Variants in MAP7 observed in about 807,000 individuals in gnomAD.
MAP7 encodes microtubule associated protein 7, also known as ensconsin.
A neutral mutation model predicts 94.8 loss-of-function variants in MAP7; 52 were observed. The observed-to-expected ratio is 0.55, with a 90% confidence interval of 0.44 to 0.69. The LOEUF (loss-of-function observed/expected upper bound fraction) is 0.69. MAP7 is among the 30% of genes least tolerant of loss of function. The probability of loss-of-function intolerance (pLI) is 0.00; values close to 1 mark genes in which losing one functional copy is unlikely to be tolerated. For missense variants in MAP7, 940 were observed against 964.6 expected (o/e 0.97, Z 0.34); for synonymous variants, 350 against 357.0 (o/e 0.98, Z 0.22).
intron 1 of MAP7, among the ~76,000 whole-genome samples, chr6:136,422,607 A>G (rs1236892497): frequency 3.3e-5 from 5 of 152,242 alleles, no homozygotes; most frequent in Admixed American, 1.3e-4. Flanking sequence ...TGAGACAAAT[A>G]TACAATCCAT....
intron 1 of MAP7, among the ~76,000 whole-genome samples, chr6:136,476,779 G>A (rs1404049875): frequency 1.3e-5 from 2 of 152,070 alleles, no homozygotes; most frequent in Non-Finnish European, 2.9e-5. Context: ...ACATGTGTGT[G>A]TATATATATA....
chr6:136,477,126 G>A (rs1485354052), intron 1 of MAP7, among the ~76,000 whole-genome samples: 2 of 152,192 alleles, frequency 1.3e-5, no homozygotes, highest in African/African-American at 4.8e-5. Flanking sequence ...TGATAGTGGA[G>A]AAACTTAGCA....
intron 1 of MAP7, among the ~76,000 whole-genome samples, chr6:136,541,608 T>G (rs1021571316): frequency 1.5e-4 from 23 of 152,208 alleles, no homozygotes; most frequent in African/African-American, 5.5e-4. Context: ...TTATACCCCG[T>G]GCTCCTCTGT....
At chr6:136,416,504 T>C (rs181658115) in intron 2 of MAP7, among the ~76,000 whole-genome samples, 1 of 152,268 alleles carries the variant, frequency 6.6e-6, no homozygotes, top group East Asian at 1.9e-4. Flanking sequence ...TAGAAAATAC[T>C]TTAAAATTAT....
At chr6:136,485,967 AT>A (rs1190915121) in intron 1 of MAP7, among the ~76,000 whole-genome samples, 1 of 151,996 alleles carries the variant, frequency 6.6e-6, no homozygotes, top group Non-Finnish European at 1.5e-5. Context: ...GTGGACAAAC[AT>A]TTTTTTCTCC....
At chr6:136,504,634 G>T (rs1012603916) in intron 1 of MAP7, among the ~76,000 whole-genome samples, 2 of 146,590 alleles carry the variant, frequency 1.4e-5, no homozygotes, top group Non-Finnish European at 3.0e-5. Context: ...CTGAGCCACC[G>T]CATCCAGCCC....
Position 136,387,260 on chromosome 6 carries a change from A to G in MAP7, c.526+1133T>C, listed in dbSNP as rs114261536. ...AGCAGTAATGATTGACGGGGAAAAAAGCTAAACTGGAAGTACTTTGATCCC... is the reference window on the plus strand; with the variant it reads ...AGCAGTAATGATTGACGGGGAAAAAGGCTAAACTGGAAGTACTTTGATCCC... On this transcript the variant is annotated intron_variant, in intron 5 of 17. Coordinates refer to ENST00000354570, the MANE Select transcript of MAP7 (RefSeq NM_003980.6). Among the ~76,000 whole-genome samples, 240 of 152,364 alleles carry G rather than the reference A, an allele frequency of 1.6e-3. 1 individual carries two copies. Among genetic ancestry groups the G allele is most frequent in the African/African-American group, 5.4e-3 (225 of 41,590 alleles).
At chr6:136,350,659 C>T (rs149566735) in intron 16 of MAP7, among the ~76,000 whole-genome samples, 174 of 152,238 alleles carry the variant, frequency 1.1e-3, no homozygotes, top group African/African-American at 4.0e-3. Context: ...TTGAGACTAG[C>T]CTGGGCAACA....
At chr6:136,352,322 G>C (rs1789475252) in intron 16 of MAP7, among the ~76,000 whole-genome samples, 1 of 151,860 alleles carries the variant, frequency 6.6e-6, no homozygotes, top group Non-Finnish European at 1.5e-5. Flanking sequence ...TGAGTAGATG[G>C]GACGATAGGT....
chr6:136,485,968 T>TG (rs1477417962), intron 1 of MAP7, among the ~76,000 whole-genome samples: 1 of 152,160 alleles, frequency 6.6e-6, no homozygotes, highest in Non-Finnish European at 1.5e-5. Context: ...TGGACAAACA[T>TG]TTTTTTCTCC....
At chr6:136,360,966 C>T (rs746977162) in intron 12 of MAP7, 39 bp downstream of exon 12, 1 of 1,551,276 alleles carries the variant, frequency 6.4e-7, no homozygotes, top group South Asian at 1.2e-5. Context: ...CGTCTCCCTG[C>T]GGGACTGGGG....
chr6:136,416,632 C>T (rs532786213), intron 2 of MAP7, among the ~76,000 whole-genome samples: 1 of 151,808 alleles, frequency 6.6e-6, no homozygotes, highest in Non-Finnish European at 1.5e-5. Context: ...ATGGCGAAAC[C>T]CTGTCTCTAC....
intron 1 of MAP7, among the ~76,000 whole-genome samples, chr6:136,535,559 T>G (rs952053702): frequency 3.9e-5 from 6 of 152,122 alleles, no homozygotes; most frequent in Admixed American, 6.5e-5. Context: ...ATTATATAAT[T>G]GTGGTGGGTA....
intron 1 of MAP7, among the ~76,000 whole-genome samples, chr6:136,433,558 C>G (rs976948695): frequency 6.6e-6 from 1 of 152,204 alleles, no homozygotes; most frequent in Non-Finnish European, 1.5e-5. Flanking sequence ...CATAGCGTAA[C>G]AGTGAACAAA....
chr6:136,497,877 C>G lies in MAP7; in HGVS notation c.67+52465G>C, dbSNP rs184863333. ...GAATGACTGTTTTTCCCTAGCCCCT[C>G]TCTTACATGAAAATTGTGTACTTCT... On this transcript the variant is annotated intron_variant, in intron 1 of 17. Transcript: ENST00000354570. Among the ~76,000 whole-genome samples, 61 of 151,788 alleles carry G rather than the reference C, an allele frequency of 4.0e-4. 1 individual carries two copies. Among genetic ancestry groups the G allele is most frequent in the African/African-American group, 1.4e-3 (58 of 41,284 alleles).
chr6:136,463,874 G>C (rs1806050529), intron 1 of MAP7, among the ~76,000 whole-genome samples: 1 of 152,206 alleles, frequency 6.6e-6, no homozygotes, highest in Admixed American at 6.5e-5. Context: ...GGCAATGTAA[G>C]TTTGAGAACA....
chr6:136,397,400 G>A (rs1782775836), intron 3 of MAP7, among the ~76,000 whole-genome samples: 1 of 151,990 alleles, frequency 6.6e-6, no homozygotes, highest in Non-Finnish European at 1.5e-5. Context: ...TATTCCCTAT[G>A]GATAATGTTG....
At chr6:136,547,928 T>C (rs1829854399) in intron 1 of MAP7, among the ~76,000 whole-genome samples, 1 of 152,278 alleles carries the variant, frequency 6.6e-6, no homozygotes, top group African/African-American at 2.4e-5. Flanking sequence ...AGACCAGTCT[T>C]TGTATAGAGA....
rs1477585850 is a variant in MAP7, at chr6:136,343,864, A to C, written c.*364T>G. On this transcript the variant is annotated 3_prime_UTR_variant, in exon 18 of 18. Transcript: ENST00000354570. Reference sequence around the variant, plus strand: ...TAAAAGGTAAAAAATTTTTTTTGCCAATTTTACATGTTAAGCTTTTAAGAC... The same window carrying C: ...TAAAAGGTAAAAAATTTTTTTTGCCCATTTTACATGTTAAGCTTTTAAGAC... 6.2e-6 allele frequency: 1 copy of C among 161,998 alleles called. No individual in the cohort carries two copies. Among genetic ancestry groups the C allele is most frequent in the African/African-American group, 2.4e-5 (1 of 41,922 alleles). The allele number at this position is 161,998 out of a possible 1,614,324, so 10.0% of individuals were successfully genotyped here.
Sources: gnomAD v4.1 joint callset for allele counts (sites outside exome capture counted in the v4.1 genomes callset) on GRCh38, gnomAD v4.1.1 for gene constraint, MANE v1.5 for transcripts, NCBI Gene and HGNC (gene_info 2026-07-23, HGNC 2026-07-21) for gene names.